The following HELZ variants were observed in gnomAD, a reference collection of about 807,000 sequenced individuals.
The protein encoded by HELZ is ATP-dependent RNA helicase with zinc finger domain.
Under a neutral mutation model 218.2 loss-of-function variants are expected in HELZ, and 23 were observed. The ratio of observed to expected loss-of-function variants is 0.11; its 90% CI spans 0.08 to 0.15. The LOEUF is 0.15. HELZ is among the 10% of genes least tolerant of loss of function. HELZ has a pLI of 1.00. For synonymous variants in HELZ, 814 were observed against 829.4 expected (o/e 0.98, Z 0.32); for missense variants, 1,813 against 2,353.7 (o/e 0.77, Z 4.75).
In HELZ at chr17:67,073,353, CATA is replaced by C. The variant is rs1324793723; in HGVS notation, c.*4896_*4898del. On this transcript the variant is annotated 3_prime_UTR_variant, in exon 33 of 33. Coordinates refer to ENST00000358691, the MANE Select transcript of HELZ (RefSeq NM_014877.4). The stretch of plus-strand genomic sequence containing the variant: ...CTCCCCACGAACATAATGAAAATTT[CATA>C]ATATTGTTTAATGAACTCATAGAAT... 1 of 152,558 alleles carries C rather than the reference CATA, an allele frequency of 6.6e-6. No homozygotes were observed. Among genetic ancestry groups the C allele is most frequent in the Non-Finnish European group, 1.5e-5 (1 of 68,028 alleles). The allele number at this position is 152,558 out of a possible 1,614,324, so 9.5% of individuals were successfully genotyped here.
chr17:67,224,058 G>C (rs1164599704), intron 3 of HELZ, among the ~76,000 whole-genome samples: 1 of 152,164 alleles, frequency 6.6e-6, no homozygotes, highest in Non-Finnish European at 1.5e-5. Flanking sequence ...CTCAGACCAT[G>C]TGGTTCCTGA....
intron 15 of HELZ, among the ~76,000 whole-genome samples, chr17:67,164,055 G>A (rs2039067511): frequency 6.6e-6 from 1 of 152,102 alleles, no homozygotes; most frequent in Non-Finnish European, 1.5e-5. Flanking sequence ...CCTTACAATT[G>A]AAACTTTTCT....
At chr17:67,092,331 T>C (rs1339957801) in intron 31 of HELZ, among the ~76,000 whole-genome samples, 1 of 152,122 alleles carries the variant, frequency 6.6e-6, no homozygotes, top group Non-Finnish European at 1.5e-5. Flanking sequence ...AATGAAATTA[T>C]AGCTACCCCC....
At chr17:67,175,342 G>T (rs2039425217) in intron 13 of HELZ, among the ~76,000 whole-genome samples, 1 of 152,092 alleles carries the variant, frequency 6.6e-6, no homozygotes, top group African/African-American at 2.4e-5. Flanking sequence ...CTACACCATA[G>T]CTTAGTAGCT....
At chr17:67,093,847 C>T (rs11079681) in intron 31 of HELZ, among the ~76,000 whole-genome samples, 90,222 of 152,040 alleles carry the variant, frequency 0.59, 27,967 homozygotes, top group East Asian at 0.88. Context: ...CATACAATTT[C>T]TAAAGTAATT....
At chr17:67,158,977 A>T (rs2038921984) in intron 17 of HELZ, among the ~76,000 whole-genome samples, 1 of 152,186 alleles carries the variant, frequency 6.6e-6, no homozygotes, top group Non-Finnish European at 1.5e-5. Context: ...CACACCAAGT[A>T]CACCACGATA....
rs1368807437 is a variant in HELZ at position 67,078,283 on chromosome 17, C to T, written c.5798G>A (p.Gly1933Asp). The T allele has an allele frequency of 3.1e-6, 5 of 1,613,626 alleles. No homozygotes were observed. In the South Asian group the frequency reaches 4.4e-5, roughly 14 times the overall value. The change falls in exon 33 of 33, where the codon GGC becomes GAC. Residue 1933 changes from glycine to aspartate, a missense_variant. Gly to Asp is a moderately conservative substitution (Grantham distance 94). This residue lies in a region of HELZ where 938 missense variants were observed against 1,027.5 expected (regional missense o/e 0.91). Transcript: ENST00000358691. ...AAAATATGAGTAAAAGCCATTGCTG[C>T]CAGATGAGCTCCCTAGGCTCAGTTC... ...FQELSLGSSS[G>D]SNGFYSYFK
intron 24 of HELZ, chr17:67,128,376 TAG>T (rs1239668906): frequency 1.9e-5 from 8 of 427,098 alleles, no homozygotes; most frequent in African/African-American, 1.2e-4. Context: ...ACTCTATCAG[TAG>T]AGAGGATTAG....
rs772248030 is a variant in HELZ at position 67,167,755 on chromosome 17, A to G, written c.1472T>C (p.Met491Thr). 4 of 1,612,810 alleles carry G rather than the reference A, an allele frequency of 2.5e-6. No homozygotes were observed. In the South Asian group the frequency reaches 4.4e-5, roughly 18 times the overall value. The part of the protein sequence containing the change: ...KVQLQILASF[M>T]LTGVSGGAKY... ...TGCACCTCCAGAAACACCAGTGAGC[A>G]TGAAGCTTGCCAGAATCTGCAATTG... Residue 491 changes from methionine to threonine, a missense_variant, in exon 14 of 33, where the codon ATG becomes ACG. Around this residue, in one of 4 missense-constraint regions of HELZ, gnomAD observed 714 missense variants for 1,029.2 expected, o/e 0.69. Coordinates refer to ENST00000358691, the MANE Select transcript of HELZ (RefSeq NM_014877.4).
chr17:67,207,663 A>G (rs189766220), intron 5 of HELZ, among the ~76,000 whole-genome samples: 2 of 152,356 alleles, frequency 1.3e-5, no homozygotes, highest in South Asian at 2.1e-4. Context: ...CAGTAATGAT[A>G]TAAAATCACT....
intron 5 of HELZ, among the ~76,000 whole-genome samples, chr17:67,213,917 G>A (rs1415399655): frequency 6.6e-6 from 1 of 152,142 alleles, no homozygotes; most frequent in African/African-American, 2.4e-5. Flanking sequence ...AAGGTGCTAG[G>A]TGATGATCAC....
intron 23 of HELZ, among the ~76,000 whole-genome samples, chr17:67,133,426 A>G (rs1311283991): frequency 6.6e-6 from 1 of 152,252 alleles, no homozygotes; most frequent in African/African-American, 2.4e-5. Context: ...ATTCTTTAAG[A>G]AAGGGGTAAT....
In HELZ at chr17:67,188,950, A is replaced by G. The variant is rs867884454; in HGVS notation, c.865-334T>C. On this transcript the variant is annotated intron_variant, in intron 11 of 32. Coordinates refer to ENST00000358691, the MANE Select transcript of HELZ (RefSeq NM_014877.4). This position sits in a 1 kb window ranked among gnomAD's most constrained non-coding sequence, Gnocchi z 4.1. ...TAGCCTCAAGTAGGAAGCCTTCGTA[A>G]GAGGGCAGTTACCTCTGAAAGCACT... Among the ~76,000 whole-genome samples the G allele has an allele frequency of 1.5e-4, 23 of 152,182 alleles. No individual in the cohort carries two copies. The highest frequency in any genetic ancestry group is 2.4e-4 in the Non-Finnish European group (16 of 68,026).
intron 14 of HELZ, among the ~76,000 whole-genome samples, chr17:67,166,839 G>GAT (rs375682658): frequency 2.6e-4 from 40 of 152,030 alleles, no homozygotes; most frequent in African/African-American, 5.5e-4. Flanking sequence ...TAGTACCAAT[G>GAT]ATATATATAT....
intron 3 of HELZ, among the ~76,000 whole-genome samples, chr17:67,228,142 T>G (rs1176136529): frequency 2.0e-5 from 3 of 152,258 alleles, no homozygotes. Flanking sequence ...CCATAATCAC[T>G]ATCTCCTTTG....
intron 20 of HELZ, 118 bp from the exon 21 acceptor site, chr17:67,146,008 T>G: frequency 1.1e-6 from 1 of 869,968 alleles, no homozygotes; most frequent in Non-Finnish European, 1.8e-6. Flanking sequence ...TGATTAATTT[T>G]ACTCCAATCA....
In HELZ at chr17:67,107,166, T is replaced by C; in HGVS notation, c.5241+3A>G. 1 of 1,598,150 alleles carries C rather than the reference T, an allele frequency of 6.3e-7. No individual in the cohort carries two copies. ...AACAAAAGGAAAATAAGAAGACATT[T>C]ACCTCTTCTAAGCTAGGGAGCGAAG... On this transcript the variant is annotated splice_donor_region_variant and intron_variant, in intron 31 of 32. Coordinates refer to ENST00000358691, the MANE Select transcript of HELZ (RefSeq NM_014877.4).
At chr17:67,157,101 A>T (rs985242684) in intron 17 of HELZ, among the ~76,000 whole-genome samples, 2 of 152,146 alleles carry the variant, frequency 1.3e-5, no homozygotes, top group African/African-American at 4.8e-5. Context: ...TTCCACCACG[A>T]TTGTAGCTTC....
chr17:67,210,752 T>C (rs1470478074), intron 5 of HELZ, among the ~76,000 whole-genome samples: 2 of 151,994 alleles, frequency 1.3e-5, no homozygotes, highest in Admixed American at 1.3e-4. Context: ...TGAAACCCTG[T>C]CTCTACTAAA....
Sources: gnomAD v4.1 joint callset for allele counts (sites outside exome capture counted in the v4.1 genomes callset) on GRCh38, gnomAD v4.1.1 for gene constraint, gnomAD v4.1.1 regional missense constraint, Gnocchi (gnomAD v3.1) non-coding constraint, MANE v1.5 for transcripts, NCBI Gene and HGNC (gene_info 2026-07-23, HGNC 2026-07-21) for gene names.